Variants in CACNA1E observed in about 807,000 individuals in gnomAD.
CACNA1E encodes voltage-dependent R-type calcium channel subunit alpha-1E.
A neutral mutation model predicts 259.2 loss-of-function variants in CACNA1E; 40 were observed. The ratio of observed to expected loss-of-function variants is 0.15; its 90% CI spans 0.12 to 0.20. The LOEUF (loss-of-function observed/expected upper bound fraction) is 0.20, where lower values mean the gene tolerates loss of function less well. CACNA1E is among the 10% of genes least tolerant of loss of function. The probability of loss-of-function intolerance (pLI) is 1.00; values close to 1 mark genes in which losing one functional copy is unlikely to be tolerated. For missense variants in CACNA1E, 1,874 were observed against 3,040.1 expected, an observed-to-expected ratio of 0.62 and a Z score of 9.02; for synonymous variants, 1,104 against 1,138.5, an observed-to-expected ratio of 0.97 and a Z score of 0.61.
At chr1:181,435,667 G>T (rs757844758) in intron 2 of CACNA1E, among the ~76,000 whole-genome samples, 19 of 152,076 alleles carry the variant, frequency 1.2e-4, no homozygotes, top group Non-Finnish European at 1.8e-4. Context: ...CCACATAGTA[G>T]GCTCCCAATA....
Position 181,757,860 on chromosome 1 carries a change from G to A in CACNA1E, c.4330-87G>A, listed in dbSNP as rs566864448. ...AGCCCTGCCCTTTTTCCCATTCACC[G>A]TCCTCCTCTTCTGAGCATGGAACAG... is the stretch of plus-strand genomic sequence containing the variant. On this transcript the variant is annotated intron_variant, in intron 30 of 47. Transcript: ENST00000367573. The A allele has an allele frequency of 2.6e-5, 37 of 1,434,258 alleles. 1 individual carries two copies. Among genetic ancestry groups the A allele is most frequent in the East Asian group, 1.4e-4 (6 of 43,746 alleles). 88.8% of individuals were successfully genotyped at this position (1,434,258 alleles called of 1,614,324 possible).
At chr1:181,454,574 C>A (rs1661347803) in intron 2 of CACNA1E, among the ~76,000 whole-genome samples, 1 of 152,204 alleles carries the variant, frequency 6.6e-6, no homozygotes, top group Non-Finnish European at 1.5e-5. Context: ...TGGGAGCATT[C>A]ATGAACTATT....
intron 7 of CACNA1E, among the ~76,000 whole-genome samples, chr1:181,686,282 T>TTTTTTTTTTTTTG (rs1297477216): frequency 5.2e-4 from 64 of 124,082 alleles, no homozygotes; most frequent in Non-Finnish European, 7.9e-4. Flanking sequence ...CAAGTTTTTT[T>TTTTTTTTTTTTTG]TTTTTTTTTT....
chr1:181,760,164 C>T (rs1454317946), intron 32 of CACNA1E, among the ~76,000 whole-genome samples: 1 of 152,186 alleles, frequency 6.6e-6, no homozygotes, highest in Non-Finnish European at 1.5e-5. Context: ...TTGTCTGTGA[C>T]TTAAGTCCCA....
At chr1:181,700,636 T>C (rs988511609) in intron 7 of CACNA1E, among the ~76,000 whole-genome samples, 2 of 152,218 alleles carry the variant, frequency 1.3e-5, no homozygotes, top group Non-Finnish European at 2.9e-5. Flanking sequence ...GTAAGTCAAG[T>C]TGCTGTTCTA....
chr1:181,365,682 G>A (rs1328757490), intron 1 of CACNA1E, among the ~76,000 whole-genome samples: 1 of 152,220 alleles, frequency 6.6e-6, no homozygotes, highest in African/African-American at 2.4e-5. Context: ...ACAGGGAGGG[G>A]CATCCCAGCA....
chr1:181,663,591 A>G lies in CACNA1E; in HGVS notation c.1055+12150A>G, dbSNP rs76347478. On this transcript the variant is annotated intron_variant, in intron 7 of 47. Coordinates refer to ENST00000367573, the MANE Select transcript of CACNA1E (RefSeq NM_001205293.3). ...CTCTTAGGGAATGCCATGCCCCCCT[A>G]TGACCTCCTGGAGGATAGTATTGCA... is the stretch of plus-strand genomic sequence containing the variant. Among the ~76,000 whole-genome samples, 1,027 of 152,288 alleles carry G rather than the reference A, an allele frequency of 6.7e-3. 6 individuals are homozygous for G. Among genetic ancestry groups the G allele is most frequent in the Non-Finnish European group, 0.011 (722 of 68,006 alleles).
intron 3 of CACNA1E, among the ~76,000 whole-genome samples, chr1:181,532,714 G>A (rs577154075): frequency 5.9e-5 from 9 of 152,340 alleles, no homozygotes; most frequent in African/African-American, 1.9e-4. Context: ...GATTTTCAAA[G>A]CATTTGAGGA....
rs148964715 is a variant in CACNA1E at position 181,606,148 on chromosome 1, A to G, written c.951+25372A>G. The stretch of plus-strand genomic sequence containing the variant: ...TTTGAAGTCTCTTGACTATACACCA[A>G]TGAGTTGAATTTCTATTTCCAGCCC... On this transcript the variant is annotated intron_variant, in intron 6 of 47. Coordinates refer to ENST00000367573, the MANE Select transcript of CACNA1E (RefSeq NM_001205293.3). Among the ~76,000 whole-genome samples the G allele has an allele frequency of 2.5e-3, 385 of 152,154 alleles. 3 individuals carry two copies. The highest frequency in any genetic ancestry group is 4.1e-3 in the Non-Finnish European group (281 of 68,002).
At chr1:181,672,464 G>A (rs530926445) in intron 7 of CACNA1E, among the ~76,000 whole-genome samples, 1 of 152,194 alleles carries the variant, frequency 6.6e-6, no homozygotes. Flanking sequence ...TCTTCCAAAG[G>A]TAATGATCTG....
intron 6 of CACNA1E, among the ~76,000 whole-genome samples, chr1:181,617,388 T>C (rs1655321813): frequency 6.6e-6 from 1 of 152,132 alleles, no homozygotes; most frequent in South Asian, 2.1e-4. Context: ...CCAGAAAATA[T>C]TGAATGAACG....
At chr1:181,701,465 T>C (rs1268060391) in intron 7 of CACNA1E, among the ~76,000 whole-genome samples, 1 of 152,172 alleles carries the variant, frequency 6.6e-6, no homozygotes, top group African/African-American at 2.4e-5. Flanking sequence ...TTGAACCCAC[T>C]GAAATATTGT....
chr1:181,424,528 C>T (rs1207734067), intron 2 of CACNA1E, among the ~76,000 whole-genome samples: 1 of 152,228 alleles, frequency 6.6e-6, no homozygotes, highest in African/African-American at 2.4e-5. Flanking sequence ...GCAGTGGAGA[C>T]CGCCTGTGAC....
chr1:181,453,322 G>A (rs993370595), intron 2 of CACNA1E, among the ~76,000 whole-genome samples: 1 of 152,204 alleles, frequency 6.6e-6, no homozygotes, highest in Admixed American at 6.5e-5. Flanking sequence ...CTAGAATTTA[G>A]TGATAATTTC....
intron 1 of CACNA1E, among the ~76,000 whole-genome samples, chr1:181,386,111 A>G (rs182535873): frequency 9.2e-5 from 14 of 152,358 alleles, no homozygotes; most frequent in Admixed American, 7.8e-4. Flanking sequence ...AGAGCTTACT[A>G]TGAGCCAGGC....
intron 34 of CACNA1E, among the ~76,000 whole-genome samples, chr1:181,766,119 A>G (rs1659002020): frequency 6.6e-6 from 1 of 152,206 alleles, no homozygotes; most frequent in Non-Finnish European, 1.5e-5. Context: ...TATGGGTGCC[A>G]CTTTGGGTAT....
Position 181,736,265 on chromosome 1 carries a change from C to G in CACNA1E, c.3263-10C>G. 1.9e-6 allele frequency: 3 copies of G among 1,575,636 alleles called. No homozygotes were observed. In the South Asian group the frequency reaches 3.5e-5, roughly 18 times the overall value. The stretch of plus-strand genomic sequence containing the variant: ...TGATTTCTGAAGATTTCAACGTGTT[C>G]CTCTTGCAGTTAGCAACAAGACGGA... On this transcript the variant is annotated splice_polypyrimidine_tract_variant and intron_variant, in intron 21 of 47. Coordinates refer to ENST00000367573, the MANE Select transcript of CACNA1E (RefSeq NM_001205293.3).
upstream of CACNA1E, among the ~76,000 whole-genome samples, chr1:181,482,109 G>A (rs2877651): frequency 0.028 from 4,329 of 152,300 alleles, 107 homozygotes; most frequent in East Asian, 0.13. Flanking sequence ...CCTCCTCCAC[G>A]GGGCCTCCCA....
chr1:181,733,146 AT>A, intron 20 of CACNA1E, 112 bp downstream of exon 20: 2 of 1,374,272 alleles, frequency 1.5e-6, no homozygotes, highest in Non-Finnish European at 1.9e-6. Flanking sequence ...AATGGAAATG[AT>A]GCTGACACAC....
Sources: allele counts gnomAD v4.1 joint callset (sites outside exome capture counted in the v4.1 genomes callset), GRCh38; gene constraint gnomAD v4.1.1; transcripts MANE v1.5; gene names NCBI Gene and HGNC (gene_info 2026-07-23, HGNC 2026-07-21).